Variants in PKHD1 observed in about 807,000 individuals in gnomAD.
PKHD1 encodes the protein fibrocystin.
PKHD1 carries 291 observed loss-of-function variants against 412.0 expected under a neutral mutation model. The ratio of observed to expected loss-of-function variants is 0.71; its 90% confidence interval spans 0.64 to 0.78. The LOEUF (loss-of-function observed/expected upper bound fraction) is 0.78. Among genes scored for constraint, PKHD1 ranks in the 30% least tolerant of loss-of-function variants. PKHD1 has a pLI of 0.00. For missense variants in PKHD1, 4,825 were observed against 4,950.7 expected (o/e 0.97, Z 0.76); for synonymous variants, 1,777 against 1,821.5 (o/e 0.98, Z 0.62).
chr6:51,997,607 CTT>C (rs1227619407), intron 35 of PKHD1, among the ~76,000 whole-genome samples: 4 of 152,190 alleles, frequency 2.6e-5, no homozygotes, highest in African/African-American at 9.7e-5. Flanking sequence ...TAAATAGAGA[CTT>C]AGCACAGGCA....
In PKHD1 at chr6:51,656,232, AAC is replaced by A. The variant is rs1305998285; in HGVS notation, c.11174+2718_11174+2719del. On this transcript the variant is annotated intron_variant, in intron 61 of 66. Transcript: ENST00000371117. The stretch of plus-strand genomic sequence containing the variant: ...TGGAAGCCATCATTCTCAGCAAACT[AAC>A]ACAGGAACAGAAAACCAAACACCGC... Among the ~76,000 whole-genome samples, 8 of 152,194 alleles carry A rather than the reference AAC, an allele frequency of 5.3e-5. No homozygotes were observed. In the South Asian group the frequency reaches 1.7e-3, roughly 31 times the overall value.
chr6:51,684,035 G>A (rs1051540479), intron 60 of PKHD1, among the ~76,000 whole-genome samples: 9 of 152,032 alleles, frequency 5.9e-5, no homozygotes, highest in Non-Finnish European at 1.0e-4. Flanking sequence ...AACCAAGAGA[G>A]AAGAAACATC....
chr6:51,848,939 GA>G (rs34781445), intron 49 of PKHD1, among the ~76,000 whole-genome samples: 60,850 of 123,734 alleles, frequency 0.49, 14,593 homozygotes, highest in East Asian at 0.92. Flanking sequence ...TATTTCTTCT[GA>G]AAAAAAAAAA....
chr6:52,045,811 T>C (rs1429163468), intron 24 of PKHD1, among the ~76,000 whole-genome samples, 193 bp downstream of exon 24: 1 of 152,184 alleles, frequency 6.6e-6, no homozygotes, highest in Non-Finnish European at 1.5e-5. Context: ...TTTAAATTGC[T>C]TTTTCAGGGA....
chr6:51,776,532 T>A (rs775946801), intron 53 of PKHD1, among the ~76,000 whole-genome samples: 15 of 152,142 alleles, frequency 9.9e-5, no homozygotes, highest in Non-Finnish European at 1.2e-4. Context: ...TGTCTATGGC[T>A]AGATAACCTT....
intron 66 of PKHD1, chr6:51,622,230 A>G (rs1329493610): frequency 1.3e-5 from 2 of 152,258 alleles, no homozygotes; most frequent in Non-Finnish European, 2.9e-5. Context: ...GCAAATATGC[A>G]CTGTGCCTTT....
At chr6:51,862,783 G>C (rs1317798069) in intron 48 of PKHD1, among the ~76,000 whole-genome samples, 1 of 152,130 alleles carries the variant, frequency 6.6e-6, no homozygotes, top group African/African-American at 2.4e-5. Flanking sequence ...GAAGGTACTG[G>C]GGCACGATGA....
At position 52,017,867 on chromosome 6, in the gene PKHD1, A is replaced by C. The variant is rs77660392; in HGVS notation, c.5381-238T>G. 0.011 allele frequency among the ~76,000 whole-genome samples: 1,709 copies of C among 152,338 alleles called. 21 individuals are homozygous for C. Among genetic ancestry groups the C allele is most frequent in the Admixed American group, 0.021 (322 of 15,304 alleles). ...TCAAGTGAATTTCCCAGCCAACATA[A>C]GATATAAAACACTTATAATACACTT... is the stretch of plus-strand genomic sequence containing the variant. On this transcript the variant is annotated intron_variant, in intron 33 of 66. Coordinates refer to ENST00000371117, the MANE Select transcript of PKHD1 (RefSeq NM_138694.4).
chr6:51,658,075 A>G (rs1772185441), intron 61 of PKHD1, among the ~76,000 whole-genome samples: 2 of 152,140 alleles, frequency 1.3e-5, no homozygotes, highest in African/African-American at 4.8e-5. Flanking sequence ...TTCTTTAAGC[A>G]TTCTAATTCT....
At chr6:52,082,906 A>G (rs1035791733) in intron 3 of PKHD1, among the ~76,000 whole-genome samples, 3 of 152,182 alleles carry the variant, frequency 2.0e-5, no homozygotes, top group Non-Finnish European at 2.9e-5. Flanking sequence ...TATGCTACAC[A>G]CTTCCATATC....
At position 51,997,101 on chromosome 6, in the gene PKHD1, T is replaced by G. The variant is rs572156275; in HGVS notation, c.5751+13208A>C. On this transcript the variant is annotated intron_variant, in intron 35 of 66. Transcript: ENST00000371117. The stretch of plus-strand genomic sequence containing the variant: ...GGGGGGTTCTGGGGAAGAAATTTCC[T>G]TCTTCTGAACTGTGCTCATGAAAGA... Among the ~76,000 whole-genome samples the G allele has an allele frequency of 2.0e-5, 3 of 152,334 alleles. No homozygotes were observed. The East Asian group carries it at 5.8e-4, about 29-fold the overall frequency.
intron 52 of PKHD1, 128 bp from the exon 53 acceptor site, chr6:51,791,501 G>A (rs1793745583): frequency 1.3e-6 from 1 of 799,700 alleles, no homozygotes; most frequent in Non-Finnish European, 2.1e-6. Context: ...ATAGCAACTG[G>A]AAGAACAAAT....
intron 49 of PKHD1, among the ~76,000 whole-genome samples, chr6:51,850,545 T>G (rs1772020215): frequency 6.6e-6 from 1 of 152,236 alleles, no homozygotes; most frequent in Non-Finnish European, 1.5e-5. Flanking sequence ...TCTTTCCATT[T>G]GTTTGTGTCC....
intron 35 of PKHD1, among the ~76,000 whole-genome samples, chr6:52,008,547 G>C (rs1162550752): frequency 6.6e-6 from 1 of 152,136 alleles, no homozygotes; most frequent in East Asian, 1.9e-4. Context: ...ATCAAAATTA[G>C]ACTTTGAGAT....
In PKHD1 at chr6:51,721,804, T is replaced by C. The variant is rs1456937444; in HGVS notation, c.10156+22581A>G. On this transcript the variant is annotated intron_variant, in intron 60 of 66. Coordinates refer to ENST00000371117, the MANE Select transcript of PKHD1 (RefSeq NM_138694.4). ...TTTTGTATTTCTTTGATCTGTACCATCCTCTCCATTCTGGCTGCCATCAAT... is the reference window on the plus strand; with the variant it reads ...TTTTGTATTTCTTTGATCTGTACCACCCTCTCCATTCTGGCTGCCATCAAT... The C allele has an allele frequency of 7.4e-6, 11 of 1,485,296 alleles. No homozygotes were observed. In the East Asian group the frequency reaches 2.5e-4, roughly 33 times the overall value. The allele number at this position is 1,485,296 out of a possible 1,614,324, so 92.0% of individuals were successfully genotyped here. A position where few individuals can be genotyped will look rare whatever the true frequency, so the allele number is the denominator to read the frequency against.
chr6:51,680,112 A>T (rs1375452878), intron 60 of PKHD1, among the ~76,000 whole-genome samples: 2 of 152,184 alleles, frequency 1.3e-5, no homozygotes, highest in Non-Finnish European at 1.5e-5. Context: ...GGCTCAGAAC[A>T]GTATCTAAAG....
At chr6:51,701,560 C>T (rs1277722327) in intron 60 of PKHD1, among the ~76,000 whole-genome samples, 1 of 152,140 alleles carries the variant, frequency 6.6e-6, no homozygotes, top group East Asian at 1.9e-4. Flanking sequence ...AAAATATTTT[C>T]CTAAAACTGG....
intron 37 of PKHD1, among the ~76,000 whole-genome samples, chr6:51,931,875 A>C (rs1291042768): frequency 4.2e-5 from 6 of 144,244 alleles, no homozygotes; most frequent in African/African-American, 1.5e-4. Context: ...GGAGGAGAGG[A>C]AGGGAGGAAA....
chr6:51,638,722 T>C, intron 64 of PKHD1, 127 bp downstream of exon 64: 1 of 717,618 alleles, frequency 1.4e-6, no homozygotes, highest in South Asian at 1.6e-5. Flanking sequence ...GTCAAGTGAA[T>C]TTATTTTCTA....
Sources: allele counts gnomAD v4.1 joint callset (sites outside exome capture counted in the v4.1 genomes callset), GRCh38; gene constraint gnomAD v4.1.1; transcripts MANE v1.5; gene names NCBI Gene and HGNC (gene_info 2026-07-23, HGNC 2026-07-21).